TTLL5: variants seen among roughly 807,000 people sequenced by gnomAD.
The protein encoded by TTLL5 is tubulin polyglutamylase TTLL5.
Under a neutral mutation model 168.4 loss-of-function variants are expected in TTLL5, and 132 were observed. That is an observed-to-expected ratio of 0.78 (90% confidence interval 0.68 to 0.91). The LOEUF is 0.91. Ranked by LOEUF, TTLL5 falls within the 40% of genes least tolerant of loss-of-function variation. TTLL5 has a pLI of 0.00. For missense variants in TTLL5, 1,545 were observed against 1,581.5 expected, an observed-to-expected ratio of 0.98 and a Z score of 0.39; for synonymous variants, 546 against 558.6, an observed-to-expected ratio of 0.98 and a Z score of 0.32.
chr14:75,755,914 A>G (rs1890228628), intron 18 of TTLL5, among the ~76,000 whole-genome samples: 1 of 152,130 alleles, frequency 6.6e-6, no homozygotes, highest in African/African-American at 2.4e-5. Context: ...TCTGGCAAAC[A>G]GTATCTTACA....
intron 31 of TTLL5, among the ~76,000 whole-genome samples, chr14:75,930,045 T>C (rs1193495376): frequency 6.6e-6 from 1 of 152,250 alleles, no homozygotes; most frequent in Admixed American, 6.5e-5. Context: ...CAGTACAGAC[T>C]TGTAACTAGA....
chr14:75,834,777 C>T (rs760950537), intron 28 of TTLL5, among the ~76,000 whole-genome samples: 1 of 152,140 alleles, frequency 6.6e-6, no homozygotes, highest in African/African-American at 2.4e-5. Context: ...TTAGAACTTG[C>T]GCTTTGGGCT....
chr14:75,755,856 G>A (rs1400415890), intron 18 of TTLL5, among the ~76,000 whole-genome samples: 2 of 151,840 alleles, frequency 1.3e-5, no homozygotes, highest in Non-Finnish European at 2.9e-5. Context: ...GGTTAATTTT[G>A]ACTACCTTCC....
At chr14:75,865,676 T>C (rs552182021) in intron 29 of TTLL5, among the ~76,000 whole-genome samples, 2 of 152,180 alleles carry the variant, frequency 1.3e-5, no homozygotes, top group Non-Finnish European at 2.9e-5. Context: ...CATTTTTAAG[T>C]CCTTCTCATA....
At chr14:75,684,417 A>G (rs1307600326) in intron 5 of TTLL5, 1 of 152,248 alleles carries the variant, frequency 6.6e-6, no homozygotes. Flanking sequence ...TAGTAATAGC[A>G]TAACAAATCC....
intron 31 of TTLL5, among the ~76,000 whole-genome samples, chr14:75,937,335 C>T (rs1278326735): frequency 2.7e-5 from 4 of 149,230 alleles, no homozygotes; most frequent in Non-Finnish European, 3.0e-5. Context: ...ATCATGTTGG[C>T]GAGGATGGTC....
intron 31 of TTLL5, among the ~76,000 whole-genome samples, chr14:75,925,483 T>C (rs1358027513): frequency 6.8e-6 from 1 of 146,684 alleles, no homozygotes; most frequent in Non-Finnish European, 1.5e-5. Flanking sequence ...TCCCCACATC[T>C]CAGGCGATGG....
intron 31 of TTLL5, among the ~76,000 whole-genome samples, chr14:75,929,442 G>T (rs989801350): frequency 7.8e-6 from 1 of 127,514 alleles, no homozygotes; most frequent in Non-Finnish European, 1.6e-5. Context: ...TTTCAATAAA[G>T]ATACCTTTTT....
At chr14:75,922,140 C>T (rs552678756) in intron 31 of TTLL5, among the ~76,000 whole-genome samples, 25 of 149,330 alleles carry the variant, frequency 1.7e-4, no homozygotes, top group African/African-American at 5.7e-4. Flanking sequence ...TGGGCTGAGA[C>T]GATGGGGTTT....
chr14:75,849,301 G>A (rs1287033096), intron 28 of TTLL5, among the ~76,000 whole-genome samples: 1 of 152,012 alleles, frequency 6.6e-6, no homozygotes, highest in Non-Finnish European at 1.5e-5. Flanking sequence ...TATTTTATTT[G>A]GATCCTACCC....
chr14:75,904,367 C>A, intron 31 of TTLL5: 1 of 630,990 alleles, frequency 1.6e-6, no homozygotes, highest in Non-Finnish European at 2.1e-6. Flanking sequence ...CTATGAGAAC[C>A]CCTTTGGCTC....
chr14:75,914,033 A>AATATATATATATATATATATAT (rs1182456559), intron 31 of TTLL5, among the ~76,000 whole-genome samples: 7 of 71,068 alleles, frequency 9.8e-5, no homozygotes, highest in South Asian at 5.5e-4. Flanking sequence ...AAAAAAAAAA[A>AATATATATATATATATATATAT]ATATATATAT....
At chr14:75,953,286 A>G (rs569765299) in intron 31 of TTLL5, among the ~76,000 whole-genome samples, 5 of 152,356 alleles carry the variant, frequency 3.3e-5, no homozygotes, top group African/African-American at 9.6e-5. Context: ...GGATGCTCAT[A>G]CATTTCCAGA....
intron 28 of TTLL5, among the ~76,000 whole-genome samples, chr14:75,843,518 A>G (rs1196788323): frequency 2.0e-5 from 3 of 152,244 alleles, no homozygotes; most frequent in Non-Finnish European, 4.4e-5. Flanking sequence ...CAAGAAGGAA[A>G]TGAAATCTTA....
chr14:75,705,103 A>T (rs189130486), intron 7 of TTLL5, among the ~76,000 whole-genome samples: 9 of 152,362 alleles, frequency 5.9e-5, no homozygotes, highest in Admixed American at 3.9e-4. Context: ...CATTGAGCAG[A>T]TTCAAAATGG....
In TTLL5 at chr14:75,954,798, A is replaced by G. The variant is rs1355992069; in HGVS notation, c.*352A>G. The stretch of plus-strand genomic sequence containing the variant: ...GTCCCTTTACTGCTGCTGCACAGAG[A>G]TGATATAAAAGAGGCTCTTTGGCTA... On this transcript the variant is annotated 3_prime_UTR_variant, in exon 32 of 32. Transcript: ENST00000298832. 1 of 265,728 alleles carries G rather than the reference A, an allele frequency of 3.8e-6. No homozygotes were observed. Among genetic ancestry groups the G allele is most frequent in the Non-Finnish European group, 7.1e-6 (1 of 140,734 alleles). 16.5% of individuals were successfully genotyped at this position (265,728 alleles called of 1,614,324 possible).
At chr14:75,870,281 C>G (rs917476846) in intron 29 of TTLL5, among the ~76,000 whole-genome samples, 1 of 134,212 alleles carries the variant, frequency 7.5e-6, no homozygotes, top group African/African-American at 2.8e-5. Context: ...TTTTTTTTTC[C>G]TTTTTCTGGA....
In TTLL5 at chr14:75,735,205, C is replaced by G. The variant is rs137910976; in HGVS notation, c.1197C>G (p.Cys399Trp). 2.7e-5 allele frequency: 43 copies of G among 1,614,070 alleles called. No homozygotes were observed. Among genetic ancestry groups the G allele is most frequent in the African/African-American group, 4.0e-5 (3 of 74,950 alleles). Residue 399 changes from cysteine (C) to tryptophan (W), a missense_variant, in exon 15 of 32, where the codon TGC becomes TGG. Coordinates refer to ENST00000298832, the MANE Select transcript of TTLL5 (RefSeq NM_015072.5). Reference protein sequence around the residue: ...SDMFTVVGFVCQDPAQRASTR... With the variant: ...SDMFTVVGFVWQDPAQRASTR... ...CCATTCCCCATTCAGGATTTGTGTG[C>G]CAAGATCCTGCCCAGCGGGCATCAA... is the stretch of plus-strand genomic sequence containing the variant.
intron 31 of TTLL5, among the ~76,000 whole-genome samples, chr14:75,925,645 G>T (rs2034023578): frequency 6.6e-6 from 1 of 152,042 alleles, no homozygotes; most frequent in South Asian, 2.1e-4. Flanking sequence ...TTCCCAGACG[G>T]GCTGGGGGCC....
Sources: allele counts gnomAD v4.1 joint callset (sites outside exome capture counted in the v4.1 genomes callset), GRCh38; gene constraint gnomAD v4.1.1; transcripts MANE v1.5; gene names NCBI Gene and HGNC (gene_info 2026-07-23, HGNC 2026-07-21).